PARP8: variants seen among roughly 807,000 people sequenced by gnomAD.
PARP8 encodes the protein poly(ADP-ribose) polymerase family member 8, also known as protein mono-ADP-ribosyltransferase PARP8.
PARP8 carries 51 observed loss-of-function variants against 124.1 expected under a neutral mutation model. That is an observed-to-expected ratio of 0.41 (90% CI 0.33 to 0.52). PARP8 has a LOEUF of 0.52. Ranked by LOEUF, PARP8 falls within the 20% of genes least tolerant of loss-of-function variation. PARP8 has a pLI of 0.21. For missense variants in PARP8, 860 were observed against 1,018.9 expected, an observed-to-expected ratio of 0.84 and a Z score of 2.12; for synonymous variants, 391 against 361.5, an observed-to-expected ratio of 1.08 and a Z score of -0.93.
intron 2 of PARP8, among the ~76,000 whole-genome samples, chr5:50,696,419 C>T (rs908664399): frequency 6.6e-6 from 1 of 152,136 alleles, no homozygotes; most frequent in African/African-American, 2.4e-5. Flanking sequence ...CATTAAATTT[C>T]TTGAATAATC....
chr5:50,829,243 T>G (rs1169976923), intron 21 of PARP8, among the ~76,000 whole-genome samples: 2 of 152,218 alleles, frequency 1.3e-5, no homozygotes, highest in East Asian at 3.8e-4. Context: ...CAGCTGAATT[T>G]TTTTTCATCT....
intron 2 of PARP8, among the ~76,000 whole-genome samples, chr5:50,677,512 A>C (rs776162671): frequency 3.3e-5 from 5 of 152,168 alleles, no homozygotes; most frequent in Non-Finnish European, 7.4e-5. Context: ...TTATGGGAAA[A>C]CCAGCCTAGA....
At chr5:50,676,391 G>A (rs1750642935) in intron 2 of PARP8, among the ~76,000 whole-genome samples, 1 of 152,180 alleles carries the variant, frequency 6.6e-6, no homozygotes, top group Admixed American at 6.5e-5. Flanking sequence ...ACATGAGGGT[G>A]TATTTCTCTG....
chr5:50,726,817 G>T (rs1756475675), intron 2 of PARP8, among the ~76,000 whole-genome samples: 1 of 152,022 alleles, frequency 6.6e-6, no homozygotes, highest in Admixed American at 6.6e-5. Flanking sequence ...CATTCTGCTT[G>T]CTTCTAAAGC....
chr5:50,735,383 T>C (rs1223606058), intron 2 of PARP8, among the ~76,000 whole-genome samples: 1 of 152,174 alleles, frequency 6.6e-6, no homozygotes, highest in Non-Finnish European at 1.5e-5. Flanking sequence ...GTTCTAATTT[T>C]ACATTATATG....
chr5:50,821,336 A>G lies in PARP8; in HGVS notation c.1792A>G (p.Arg598Gly). 1 of 1,614,010 alleles carries G rather than the reference A, an allele frequency of 6.2e-7. No individual in the cohort carries two copies. The highest frequency in any genetic ancestry group is 8.5e-7 in the Non-Finnish European group (1 of 1,179,936). ...NDPQMLAFNP[R>G]KKNYDRVMKA... ...TCCTCAGATGTTGGCCTTCAACCCC[A>G]GGGTAAGTTGTTATCATGGCACACC... The change falls in exon 16 of 26, where the codon AGG becomes GGG. Residue 598 changes from arginine to glycine, a missense_variant and splice_region_variant. Coordinates refer to ENST00000281631, the MANE Select transcript of PARP8 (RefSeq NM_024615.4).
intron 2 of PARP8, among the ~76,000 whole-genome samples, chr5:50,708,447 A>C (rs1754391217): frequency 6.6e-6 from 1 of 152,078 alleles, no homozygotes; most frequent in Non-Finnish European, 1.5e-5. Flanking sequence ...CTGCATGTCT[A>C]AAATACCTTT....
At chr5:50,825,513 C>A (rs1746243174) in intron 18 of PARP8, among the ~76,000 whole-genome samples, 1 of 152,144 alleles carries the variant, frequency 6.6e-6, no homozygotes, top group Non-Finnish European at 1.5e-5. Flanking sequence ...AGCATGAATT[C>A]TAGAAGGAGG....
At chr5:50,755,489 G>A (rs1346988761) in intron 3 of PARP8, among the ~76,000 whole-genome samples, 2 of 152,160 alleles carry the variant, frequency 1.3e-5, no homozygotes, top group African/African-American at 4.8e-5. Flanking sequence ...TCAGATGGTT[G>A]TAGATGTGTG....
intron 25 of PARP8, among the ~76,000 whole-genome samples, chr5:50,839,666 T>TTCTCTG (rs1554072256): frequency 6.8e-6 from 1 of 147,390 alleles, no homozygotes; most frequent in Non-Finnish European, 1.5e-5. Flanking sequence ...CTCTCTTTCT[T>TTCTCTG]TCTCTCTCTC....
intron 9 of PARP8, among the ~76,000 whole-genome samples, chr5:50,784,602 C>A (rs1741034934): frequency 2.6e-5 from 4 of 152,108 alleles, no homozygotes; most frequent in Admixed American, 2.6e-4. Context: ...TTCCCAACTG[C>A]AGTTATATGA....
intron 14 of PARP8, among the ~76,000 whole-genome samples, chr5:50,806,110 C>T (rs1470714797): frequency 3.9e-5 from 6 of 151,954 alleles, no homozygotes; most frequent in Admixed American, 6.6e-5. Context: ...TCTGGGTATT[C>T]ACAGTTCTTT....
intron 2 of PARP8, chr5:50,744,958 T>C: frequency 3.6e-6 from 2 of 551,212 alleles, no homozygotes; most frequent in South Asian, 5.0e-5. Context: ...TTCCACGTTT[T>C]TTTGGTACTA....
intron 2 of PARP8, among the ~76,000 whole-genome samples, chr5:50,700,519 A>T (rs558218286): frequency 5.9e-5 from 9 of 152,334 alleles, no homozygotes; most frequent in Admixed American, 5.9e-4. Flanking sequence ...TATAATGAAA[A>T]CACAAGTGTG....
At chr5:50,807,424 T>C (rs1743976844) in intron 14 of PARP8, among the ~76,000 whole-genome samples, 1 of 152,120 alleles carries the variant, frequency 6.6e-6, no homozygotes, top group Non-Finnish European at 1.5e-5. Context: ...GTGTCATTTA[T>C]ACTCTCATCA....
At chr5:50,708,655 C>G (rs143891299) in intron 2 of PARP8, among the ~76,000 whole-genome samples, 9 of 150,394 alleles carry the variant, frequency 6.0e-5, no homozygotes, top group African/African-American at 2.3e-4. Flanking sequence ...TTTTTCATCC[C>G]TGAAGTTCTG....
chr5:50,676,437 T>C (rs1327952784), intron 2 of PARP8, among the ~76,000 whole-genome samples: 2 of 152,266 alleles, frequency 1.3e-5, no homozygotes, highest in Non-Finnish European at 2.9e-5. Context: ...ACTGAATTCA[T>C]TTATGTTAAG....
chr5:50,782,598 G>A lies in PARP8; in HGVS notation c.670+3948G>A, dbSNP rs374215105. 3.3e-5 allele frequency among the ~76,000 whole-genome samples: 5 copies of A among 152,166 alleles called. No individual in the cohort carries two copies. The South Asian group carries it at 6.2e-4, about 19-fold the overall frequency. On this transcript the variant is annotated intron_variant, in intron 9 of 25. Coordinates refer to ENST00000281631, the MANE Select transcript of PARP8 (RefSeq NM_024615.4). ...GAAAATATTTATGAAGAGTGTTTGT[G>A]CTATGCCCATAATGCCTCTGCCTGT...
At chr5:50,677,674 G>T (rs1346156815) in intron 2 of PARP8, among the ~76,000 whole-genome samples, 2 of 151,876 alleles carry the variant, frequency 1.3e-5, no homozygotes, top group Non-Finnish European at 2.9e-5. Flanking sequence ...TTGACTTTCT[G>T]TGCCATTAAT....
Sources: gnomAD v4.1 joint callset for allele counts (sites outside exome capture counted in the v4.1 genomes callset) on GRCh38, gnomAD v4.1.1 for gene constraint, MANE v1.5 for transcripts, NCBI Gene and HGNC (gene_info 2026-07-23, HGNC 2026-07-21) for gene names.